Variants in DPP6 observed in about 807,000 individuals in gnomAD.
DPP6 encodes the protein dipeptidyl peptidase like 6.
A neutral mutation model predicts 122.6 loss-of-function variants in DPP6; 69 were observed. That is an observed-to-expected ratio of 0.56 (90% CI 0.46 to 0.69). The LOEUF (loss-of-function observed/expected upper bound fraction) is 0.69, where lower values mean the gene tolerates loss of function less well. DPP6 is among the 30% of genes least tolerant of loss of function. DPP6 has a pLI of 0.00. For synonymous variants in DPP6, 418 were observed against 433.1 expected (o/e 0.97, Z 0.43); for missense variants, 928 against 1,116.9 (o/e 0.83, Z 2.41).
chr7:154,649,446 A>G (rs1277366995), intron 6 of DPP6, among the ~76,000 whole-genome samples: 4 of 152,222 alleles, frequency 2.6e-5, no homozygotes, highest in East Asian at 1.9e-4. Flanking sequence ...ACTAGATTCT[A>G]AAGTGCCCAA....
chr7:154,243,755 C>T (rs1039209195), intron 1 of DPP6, among the ~76,000 whole-genome samples: 2 of 151,750 alleles, frequency 1.3e-5, no homozygotes, highest in Admixed American at 6.6e-5. Flanking sequence ...GAGATCACGC[C>T]ACTGCACTCC....
intron 7 of DPP6, among the ~76,000 whole-genome samples, chr7:154,719,391 G>T (rs1475256384): frequency 6.6e-6 from 1 of 150,592 alleles, no homozygotes; most frequent in African/African-American, 2.5e-5. Flanking sequence ...CCACGGGGGT[G>T]GAAGGAAGGG....
At position 154,542,650 on chromosome 7, in the gene DPP6, T is replaced by C. The variant is rs535972158; in HGVS notation, c.552+2024T>C. On this transcript the variant is annotated intron_variant, in intron 4 of 25. Transcript: ENST00000377770. Reference sequence around the variant, plus strand: ...AAATTCGCTGGCTTATTCTATATAATGCAATCTTTTTTCCTTAAAATGTCA... The same window carrying C: ...AAATTCGCTGGCTTATTCTATATAACGCAATCTTTTTTCCTTAAAATGTCA... 7.2e-5 allele frequency among the ~76,000 whole-genome samples: 11 copies of C among 152,342 alleles called. No individual in the cohort carries two copies. The South Asian group carries it at 2.3e-3, about 32-fold the overall frequency.
chr7:153,978,353 G>T (rs111407101), intron 1 of DPP6, among the ~76,000 whole-genome samples: 2 of 152,142 alleles, frequency 1.3e-5, no homozygotes, highest in African/African-American at 4.8e-5. Flanking sequence ...AAATGTCTTC[G>T]TTTGAAAAGT....
In DPP6 at chr7:154,566,908, G is replaced by A. The variant is rs772172889; in HGVS notation, c.619G>A (p.Val207Met). Residue 207 changes from valine to methionine, a missense_variant, in exon 5 of 26, where the codon GTG becomes ATG. Val to Met is a conservative substitution (Grantham distance 21). Coordinates refer to ENST00000377770, the MANE Select transcript of DPP6 (RefSeq NM_130797.4). ...AGAGTATGCACTTTTTTCATACAAT[G>A]TGGAACCCGTGAGTATTATCCTTTA... ...DREYALFSYN[V>M]EPIYQHSYTG... The A allele has an allele frequency of 6.2e-7, 1 of 1,602,584 alleles. No homozygotes were observed. Among genetic ancestry groups the A allele is most frequent in the Non-Finnish European group, 8.5e-7 (1 of 1,170,980 alleles).
chr7:154,377,633 T>G (rs1368100415), intron 1 of DPP6, among the ~76,000 whole-genome samples: 1 of 152,098 alleles, frequency 6.6e-6, no homozygotes, highest in African/African-American at 2.4e-5. Flanking sequence ...CCCCCTTCGC[T>G]CTCTCTCACC....
At chr7:153,966,724 G>A (rs1012588636) in intron 1 of DPP6, among the ~76,000 whole-genome samples, 1 of 151,898 alleles carries the variant, frequency 6.6e-6, no homozygotes, top group African/African-American at 2.4e-5. Context: ...AAAATACTAT[G>A]AGTAGAAGTA....
intron 3 of DPP6, among the ~76,000 whole-genome samples, chr7:154,477,115 C>A (rs900746741): frequency 9.2e-5 from 14 of 152,050 alleles, no homozygotes; most frequent in African/African-American, 3.4e-4. Context: ...TTGTCAAAAA[C>A]CAATTATAAA....
chr7:154,631,379 G>A (rs1391735537), intron 5 of DPP6, among the ~76,000 whole-genome samples: 1 of 152,242 alleles, frequency 6.6e-6, no homozygotes, highest in East Asian at 1.9e-4. Context: ...GATGCCACGT[G>A]TTTGGTAGAT....
chr7:154,466,164 A>G (rs1481411788), intron 2 of DPP6, among the ~76,000 whole-genome samples: 6 of 151,438 alleles, frequency 4.0e-5, no homozygotes, highest in African/African-American at 1.5e-4. Context: ...AGGAGAACAT[A>G]TGGGCACAGG....
intron 8 of DPP6, among the ~76,000 whole-genome samples, chr7:154,733,431 G>A (rs375123434): frequency 8.5e-5 from 13 of 152,232 alleles, no homozygotes; most frequent in East Asian, 3.8e-4. Context: ...CAAGGCCAGC[G>A]TGAGGCAAGG....
At chr7:154,751,609 CAAAAAAAAAAA>C (rs11339562) in intron 8 of DPP6, among the ~76,000 whole-genome samples, 1 of 87,388 alleles carries the variant, frequency 1.1e-5, no homozygotes, top group African/African-American at 4.1e-5. Flanking sequence ...GACTCTGTCT[CAAAAAAAAAAA>C]AAAAAAAGAA....
At chr7:154,553,722 A>C (rs923896763) in intron 4 of DPP6, among the ~76,000 whole-genome samples, 1 of 152,124 alleles carries the variant, frequency 6.6e-6, no homozygotes, top group Non-Finnish European at 1.5e-5. Flanking sequence ...TGGTCGCTGC[A>C]GTTATAAGAT....
intron 1 of DPP6, among the ~76,000 whole-genome samples, chr7:154,061,618 G>GC (rs1185310504): frequency 7.8e-6 from 1 of 128,440 alleles, no homozygotes; most frequent in African/African-American, 3.2e-5. Context: ...TCCCATCACA[G>GC]GGGGGGGAGG....
At position 154,608,335 on chromosome 7, in the gene DPP6, A is replaced by AT. The variant is rs559465398; in HGVS notation, c.628-29485dup. On this transcript the variant is annotated intron_variant, in intron 5 of 25. Coordinates refer to ENST00000377770, the MANE Select transcript of DPP6 (RefSeq NM_130797.4). Reference sequence around the variant, plus strand: ...TAGGAGTGATCATATATATATATATATATATATTTTGAGATGGAATCTCGC... The same window carrying AT: ...TAGGAGTGATCATATATATATATATATTATATATTTTGAGATGGAATCTCGC... 2.8e-4 allele frequency among the ~76,000 whole-genome samples: 32 copies of AT among 114,600 alleles called. 1 individual carries two copies. The highest frequency in any genetic ancestry group is 7.7e-4 in the African/African-American group (24 of 31,082). The allele number at this position is 114,600 out of a possible 152,430, so 75.2% of individuals were successfully genotyped here.
chr7:153,797,972 G>T, the DPP6 span, among the ~76,000 whole-genome samples: 4 of 152,252 alleles, frequency 2.6e-5, no homozygotes, highest in Non-Finnish European at 5.9e-5. Context: ...CTCCCAAGTA[G>T]CTGTAACTAC....
chr7:153,935,502 C>T (rs1348745694), intron 1 of DPP6, among the ~76,000 whole-genome samples: 1 of 152,194 alleles, frequency 6.6e-6, no homozygotes, highest in East Asian at 1.9e-4. Flanking sequence ...AGCTGGTCTC[C>T]CTGCCGTCCG....
chr7:154,259,438 TG>T lies in DPP6; in HGVS notation c.244-186772del, dbSNP rs1448031973. On this transcript the variant is annotated intron_variant, in intron 1 of 25. Transcript: ENST00000377770. Reference sequence around the variant, plus strand: ...GGTGTTTTGGAAAGGGAGGGGCCGCTGGGGCAGTCAAAGAAGTTTGTTGCAA... The same window carrying T: ...GGTGTTTTGGAAAGGGAGGGGCCGCTGGGCAGTCAAAGAAGTTTGTTGCAA... 4.6e-5 allele frequency among the ~76,000 whole-genome samples: 7 copies of T among 152,292 alleles called. No homozygotes were observed. In the East Asian group the frequency reaches 1.4e-3, roughly 29 times the overall value.
At chr7:154,244,091 C>T (rs1440759016) in intron 1 of DPP6, among the ~76,000 whole-genome samples, 1 of 151,850 alleles carries the variant, frequency 6.6e-6, no homozygotes, top group Non-Finnish European at 1.5e-5. Context: ...AGAACCACTC[C>T]TATGCCCCAA....
Sources: allele counts gnomAD v4.1 joint callset (sites outside exome capture counted in the v4.1 genomes callset), GRCh38; gene constraint gnomAD v4.1.1; transcripts MANE v1.5; gene names NCBI Gene and HGNC (gene_info 2026-07-23, HGNC 2026-07-21).